The following AMBRA1 variants were observed in gnomAD, a reference collection of about 807,000 sequenced individuals.
AMBRA1 encodes autophagy and beclin 1 regulator 1.
Under a neutral mutation model 125.4 loss-of-function variants are expected in AMBRA1, and 47 were observed. The ratio of observed to expected loss-of-function variants is 0.37; its 90% CI spans 0.30 to 0.48. AMBRA1 has a LOEUF of 0.48. AMBRA1 is among the 20% of genes least tolerant of loss of function. AMBRA1 has a pLI of 0.99. For synonymous variants in AMBRA1, 626 were observed against 655.5 expected, an observed-to-expected ratio of 0.95 and a Z score of 0.69; for missense variants, 1,331 against 1,693.4, an observed-to-expected ratio of 0.79 and a Z score of 3.76.
chr11:46,447,116 A>T (rs1168746372), intron 11 of AMBRA1, among the ~76,000 whole-genome samples: 1 of 152,232 alleles, frequency 6.6e-6, no homozygotes, highest in Non-Finnish European at 1.5e-5. Context: ...CTAAGACAAT[A>T]AATACAAAGT....
intron 11 of AMBRA1, among the ~76,000 whole-genome samples, chr11:46,468,681 G>A (rs1281469816): frequency 1.3e-5 from 2 of 151,448 alleles, no homozygotes; most frequent in South Asian, 4.2e-4. Context: ...GTGTGGTGGC[G>A]GGCGCCTGTA....
chr11:46,538,147 T>C (rs1379921483), intron 7 of AMBRA1, among the ~76,000 whole-genome samples: 1 of 152,240 alleles, frequency 6.6e-6, no homozygotes. Context: ...GCCATTCAAA[T>C]GGTGGTCCTT....
intron 1 of AMBRA1, among the ~76,000 whole-genome samples, chr11:46,569,307 T>G (rs1277423222): frequency 6.7e-6 from 1 of 150,180 alleles, no homozygotes; most frequent in Non-Finnish European, 1.5e-5. Flanking sequence ...AAACTCATAG[T>G]TCATACAAAC....
chr11:46,516,089 A>G (rs1452870543), intron 7 of AMBRA1, among the ~76,000 whole-genome samples: 2 of 152,142 alleles, frequency 1.3e-5, no homozygotes, highest in African/African-American at 4.8e-5. Flanking sequence ...GTTGCTGGAG[A>G]GTCTCTGATG....
At chr11:46,585,695 A>AAAAAATATAT (rs1555017410) in intron 1 of AMBRA1, among the ~76,000 whole-genome samples, 1 of 22,914 alleles carries the variant, frequency 4.4e-5, no homozygotes, top group African/African-American at 1.8e-4. Flanking sequence ...AAAAAAAAAA[A>AAAAAATATAT]ATATATATAT....
At chr11:46,549,475 G>A (rs557985032) in intron 1 of AMBRA1, among the ~76,000 whole-genome samples, 1 of 152,078 alleles carries the variant, frequency 6.6e-6, no homozygotes, top group East Asian at 1.9e-4. Context: ...CATTGAGGTT[G>A]GTGTTTTTTT....
At chr11:46,486,703 C>T (rs1270316206) in intron 11 of AMBRA1, among the ~76,000 whole-genome samples, 1 of 151,870 alleles carries the variant, frequency 6.6e-6, no homozygotes, top group Non-Finnish European at 1.5e-5. Flanking sequence ...GTCAGGAGTT[C>T]GAGATCAGCC....
intron 17 of AMBRA1, 29 bp from the exon 18 acceptor site, chr11:46,397,972 G>T: frequency 4.5e-6 from 7 of 1,555,958 alleles, no homozygotes; most frequent in Non-Finnish European, 6.1e-6. Flanking sequence ...AAGAGAGAGC[G>T]AATTGGCTGC....
intron 1 of AMBRA1, among the ~76,000 whole-genome samples, chr11:46,583,692 C>T (rs1279658301): frequency 2.0e-5 from 3 of 146,356 alleles, no homozygotes; most frequent in Non-Finnish European, 4.5e-5. Flanking sequence ...ACAAAACAAC[C>T]CCATCAAAAA....
In AMBRA1 at chr11:46,548,464, G is replaced by C. The variant is rs911527232; in HGVS notation, c.-84C>G. On this transcript the variant is annotated 5_prime_UTR_variant, in exon 2 of 18. Coordinates refer to ENST00000683756, the MANE Select transcript of AMBRA1 (RefSeq NM_001387011.1). Reference sequence around the variant, plus strand: ...CAACACACTGAAGCAGCTAAAATGAGGCCATACAGGTCCTTGTAAGTTGTC... The same window carrying C: ...CAACACACTGAAGCAGCTAAAATGACGCCATACAGGTCCTTGTAAGTTGTC... The C allele has an allele frequency of 1.3e-6, 2 of 1,554,008 alleles. No homozygotes were observed. Among genetic ancestry groups the C allele is most frequent in the East Asian group, 4.5e-5 (2 of 44,244 alleles).
At chr11:46,564,209 T>A (rs1423460824) in intron 1 of AMBRA1, among the ~76,000 whole-genome samples, 206 of 62,734 alleles carry the variant, frequency 3.3e-3, no homozygotes, top group Middle Eastern at 0.012. Flanking sequence ...GGCAGAAAAA[T>A]CCCAGTATTA....
intron 1 of AMBRA1, among the ~76,000 whole-genome samples, chr11:46,571,996 C>T (rs1309832732): frequency 6.6e-6 from 1 of 152,048 alleles, no homozygotes; most frequent in Non-Finnish European, 1.5e-5. Flanking sequence ...CCCAATCAAT[C>T]AATATCTTAA....
intron 15 of AMBRA1, among the ~76,000 whole-genome samples, chr11:46,412,113 T>G (rs1417190551): frequency 6.6e-6 from 1 of 152,210 alleles, no homozygotes; most frequent in Non-Finnish European, 1.5e-5. Context: ...AAAGGCCACC[T>G]CTTTAAAAAG....
At chr11:46,417,531 G>A (rs1195084908) in intron 15 of AMBRA1, among the ~76,000 whole-genome samples, 2 of 152,036 alleles carry the variant, frequency 1.3e-5, no homozygotes, top group East Asian at 1.9e-4. Flanking sequence ...TAAAGTCTAC[G>A]GTATTTACTC....
intron 14 of AMBRA1, among the ~76,000 whole-genome samples, chr11:46,428,455 C>G (rs568641897): frequency 6.6e-6 from 1 of 152,300 alleles, no homozygotes; most frequent in African/African-American, 2.4e-5. Flanking sequence ...ATGAAGGTGT[C>G]CTTAGTCATC....
chr11:46,434,361 G>A (rs1417892939), intron 13 of AMBRA1, among the ~76,000 whole-genome samples: 1 of 151,472 alleles, frequency 6.6e-6, no homozygotes, highest in South Asian at 2.1e-4. Flanking sequence ...TCAACTCAAG[G>A]TGACACCAAC....
At chr11:46,441,716 C>A (rs575506243) in intron 12 of AMBRA1, among the ~76,000 whole-genome samples, 2 of 152,168 alleles carry the variant, frequency 1.3e-5, no homozygotes, top group East Asian at 3.9e-4. Context: ...TTCTTTTCTG[C>A]CCTCCTCCAC....
intron 11 of AMBRA1, chr11:46,491,386 C>T (rs923465120): frequency 6.6e-6 from 1 of 152,134 alleles, no homozygotes; most frequent in African/African-American, 2.4e-5. Context: ...GGTAATCGCA[C>T]CTATCTCATA....
At chr11:46,413,465 C>A (rs1946387815) in intron 15 of AMBRA1, among the ~76,000 whole-genome samples, 1 of 152,100 alleles carries the variant, frequency 6.6e-6, no homozygotes, top group Non-Finnish European at 1.5e-5. Context: ...TCTCTGGCTA[C>A]TGAAACTCTT....
Sources: gnomAD v4.1 joint callset for allele counts (sites outside exome capture counted in the v4.1 genomes callset) on GRCh38, gnomAD v4.1.1 for gene constraint, MANE v1.5 for transcripts, NCBI Gene and HGNC (gene_info 2026-07-23, HGNC 2026-07-21) for gene names.